EEF2: variants seen among roughly 807,000 people sequenced by gnomAD.
The protein encoded by EEF2 is eukaryotic translation elongation factor 2.
A neutral mutation model predicts 85.3 loss-of-function variants in EEF2; 21 were observed. The ratio of observed to expected loss-of-function variants is 0.25; its 90% CI spans 0.17 to 0.35. The LOEUF (loss-of-function observed/expected upper bound fraction) is 0.35. Among genes scored for constraint, EEF2 ranks in the 10% least tolerant of loss-of-function variants. EEF2 has a pLI of 1.00. For synonymous variants in EEF2, 723 were observed against 508.8 expected (o/e 1.42, Z -5.67); for missense variants, 825 against 1,225.3 (o/e 0.67, Z 4.88).
chr19:3,983,654 G>A (rs1000079314), intron 2 of EEF2, among the ~76,000 whole-genome samples: 2 of 152,076 alleles, frequency 1.3e-5, no homozygotes, highest in Non-Finnish European at 2.9e-5. Context: ...CCCTGCTCCA[G>A]GGGAAATGAA....
At chr19:3,982,460 C>A (rs188533497) in intron 4 of EEF2, 36 bp from the exon 5 acceptor site, 1 of 1,613,242 alleles carries the variant, frequency 6.2e-7, no homozygotes, top group East Asian at 2.2e-5. Flanking sequence ...GCCGTGAGGG[C>A]CCCTGCGCAG....
chr19:3,984,014 T>C (rs1355455203), intron 2 of EEF2, 122 bp downstream of exon 2: 10 of 1,027,194 alleles, frequency 9.7e-6, no homozygotes, highest in Middle Eastern at 3.1e-4. Flanking sequence ...CATTCTCCCA[T>C]GAATTAAGAA....
chr19:3,983,922 CCCT>C (rs1287403696), intron 2 of EEF2: 5 of 590,090 alleles, frequency 8.5e-6, no homozygotes, highest in African/African-American at 3.7e-5. Flanking sequence ...GAGTTAAGCC[CCCT>C]CCTCAAGAAA....
chr19:3,977,207 G>A lies in EEF2; in HGVS notation c.2383+8C>T, dbSNP rs1373752390. On this transcript the variant is annotated splice_region_variant and intron_variant, in intron 14 of 14. Coordinates refer to ENST00000309311, the MANE Select transcript of EEF2 (RefSeq NM_001961.4). The surrounding 1 kb of genome is among the most constrained non-coding windows in gnomAD (Gnocchi z 5.4). ...AGGCTCTGCAGGCCACACCGGGCAG[G>A]CACTCACCAAAGGACTCGTTGACGG... 1.9e-6 allele frequency: 3 copies of A among 1,612,520 alleles called. No homozygotes were observed. The highest frequency in any genetic ancestry group is 2.5e-6 in the Non-Finnish European group (3 of 1,179,444).
chr19:3,984,144 G>C lies in EEF2; in HGVS notation c.210C>G (p.Ile70Met), dbSNP rs771555087. Residue 70 changes from isoleucine to methionine, a missense_variant, in exon 2 of 15, where the codon ATC (isoleucine) becomes ATG (methionine). Physicochemically the swap from Ile to Met is conservative, Grantham distance 10. Transcript: ENST00000309311. The part of the protein sequence containing the change: ...RKDEQERCIT[I>M]KSTAISLFYE... The stretch of plus-strand genomic sequence containing the variant: ...GGGCACAGGGAGCTCACGTTGACTT[G>C]ATGGTGATGCAACGCTCCTGCTCGT... 6.2e-7 allele frequency: 1 copy of C among 1,613,714 alleles called. No individual in the cohort carries two copies. The highest frequency in any genetic ancestry group is 1.3e-5 in the African/African-American group (1 of 74,948).
At chr19:3,985,347 TCCG>T (rs2039807113) in intron 1 of EEF2, 28 bp downstream of exon 1, 3 of 1,465,782 alleles carry the variant, frequency 2.0e-6, no homozygotes. Flanking sequence ...CCGCCGCCGC[TCCG>T]GGGCACCAGC....
intron 1 of EEF2, chr19:3,984,938 G>T (rs143613937): frequency 5.3e-6 from 1 of 189,350 alleles, no homozygotes; most frequent in Non-Finnish European, 1.1e-5. Flanking sequence ...AAGGTATTTG[G>T]AAGGAAAAGG....
At position 3,977,126 on chromosome 19, in the gene EEF2, C is replaced by A; in HGVS notation, c.2383+89G>T. On this transcript the variant is annotated intron_variant, in intron 14 of 14. Coordinates refer to ENST00000309311, the MANE Select transcript of EEF2 (RefSeq NM_001961.4). This position sits in a 1 kb window ranked among gnomAD's most constrained non-coding sequence, Gnocchi z 5.4. ...CCATCACCTGCTCCCATCAGGACGC[C>A]TCCTTTAACACCTTGCTAAGCTTAA... 1 of 1,543,844 alleles carries A rather than the reference C, an allele frequency of 6.5e-7. No individual in the cohort carries two copies. The highest frequency in any genetic ancestry group is 8.7e-7 in the Non-Finnish European group (1 of 1,143,700).
At chr19:3,983,873 TAGGAGTGGGGGCAAGTCCCCC>T (rs1568202955) in intron 2 of EEF2, 1 of 523,302 alleles carries the variant, frequency 1.9e-6, no homozygotes, top group African/African-American at 1.9e-5. Context: ...CCAGATATTG[TAGGAGTGGGGGCAAGTCCCCC>T]AGGGAGGGAG....
rs2039808126 is a variant in EEF2 at position 3,985,411 on chromosome 19, A to G, written c.-31T>C. The G allele has an allele frequency of 3.4e-6, 5 of 1,488,102 alleles. No individual in the cohort carries two copies. The highest frequency in any genetic ancestry group is 1.3e-5 in the South Asian group (1 of 76,198). 92.2% of individuals were successfully genotyped at this position (1,488,102 alleles called of 1,614,324 possible). On this transcript the variant is annotated 5_prime_UTR_variant, in exon 1 of 15. Transcript: ENST00000309311. ...CGGATGGCGGTGGATTCTCCCAGGT[A>G]GAACCGAAAGAAGCGAGTCGCGCCG...
intron 5 of EEF2, 38 bp downstream of exon 5, chr19:3,982,205 CCAG>C (rs756534077): frequency 2.5e-6 from 4 of 1,610,190 alleles, no homozygotes; most frequent in Non-Finnish European, 3.4e-6. Flanking sequence ...GCCACTACCC[CCAG>C]GTGTCAGGAA....
In EEF2 at chr19:3,980,954, G is replaced by A; in HGVS notation, c.1037C>T (p.Ala346Val). The A allele has an allele frequency of 6.4e-7, 1 of 1,574,294 alleles. No individual in the cohort carries two copies. The highest frequency in any genetic ancestry group is 1.2e-5 in the South Asian group (1 of 86,236). ...LKAVMRRWLP[A>V]GDALLQMITI... The stretch of plus-strand genomic sequence containing the variant: ...GATCATCTGCAACAAGGCGTCTCCG[G>A]CAGGCAGCCAGCGGCGCATCACAGC... The change falls in exon 8 of 15, where the codon GCC becomes GTC. Residue 346 changes from alanine (A) to valine (V), a missense_variant. Physicochemically the swap from Ala to Val is moderately conservative, Grantham distance 64. Transcript: ENST00000309311.
intron 6 of EEF2, 139 bp downstream of exon 6, chr19:3,981,804 CAGTT>C: frequency 1.3e-6 from 1 of 756,770 alleles, no homozygotes; most frequent in East Asian, 2.5e-5. Flanking sequence ...GACTCCACCT[CAGTT>C]AGGAGCTGTG....
At position 3,977,828 on chromosome 19, in the gene EEF2, G is replaced by A. The variant is rs755411634; in HGVS notation, c.2058C>T (p.Ala686=). The A allele has an allele frequency of 6.3e-7, 1 of 1,583,092 alleles. No homozygotes were observed. The highest frequency in any genetic ancestry group is 1.7e-5 in the Admixed American group (1 of 58,730). The change falls in exon 12 of 15, where the codon GCC becomes GCT. Residue 686 remains alanine, a synonymous_variant. Coordinates refer to ENST00000309311, the MANE Select transcript of EEF2 (RefSeq NM_001961.4). The surrounding 1 kb of genome is among the most constrained non-coding windows in gnomAD (Gnocchi z 5.4). ...CTGAGCCGTGCCTCACCTCCTTGGT[G>A]GCCCACTGGAAGCCGGCCACCACAC... ...KDSVVAGFQW[A]TKEGALCEEN... is the part of the protein sequence containing the mutation.
Position 3,979,219 on chromosome 19 carries a change from A to G in EEF2, c.1713+110T>C, listed in dbSNP as rs942488449. On this transcript the variant is annotated intron_variant, in intron 11 of 14. Transcript: ENST00000309311. ...TTGAGGAACTTAAGAAGCTGAGACC[A>G]AGACCGAGATCAAGTCTAGGCGTCT... 7.5e-6 allele frequency: 6 copies of G among 802,934 alleles called. No individual in the cohort carries two copies. The African/African-American group carries it at 8.6e-5, about 12-fold the overall frequency. The allele number at this position is 802,934 out of a possible 1,614,324, so 49.7% of individuals were successfully genotyped here.
chr19:3,985,441 T>TGGCGGCGACGAC lies in EEF2; in HGVS notation c.-73_-62dup, dbSNP rs1568203994. 38 of 1,445,922 alleles carry TGGCGGCGACGAC rather than the reference T, an allele frequency of 2.6e-5. No individual in the cohort carries two copies. The highest frequency in any genetic ancestry group is 3.2e-5 in the Non-Finnish European group (35 of 1,093,640). The allele number at this position is 1,445,922 out of a possible 1,614,324, so 89.6% of individuals were successfully genotyped here. On this transcript the variant is annotated 5_prime_UTR_variant, in exon 1 of 15. Transcript: ENST00000309311. ...CGAAAGAAGCGAGTCGCGCCGAGGA[T>TGGCGGCGACGAC]GGCGGCGACGACGGCGGAAGAGAAC... is the stretch of plus-strand genomic sequence containing the variant.
chr19:3,982,088 T>TC, intron 5 of EEF2, 36 bp from the exon 6 acceptor site: 1 of 1,610,464 alleles, frequency 6.2e-7, no homozygotes, highest in Non-Finnish European at 8.5e-7. Flanking sequence ...CAAGTTAGGG[T>TC]CTCCAGGGGA....
At chr19:3,983,869 A>G (rs564383565) in intron 2 of EEF2, 149 of 511,934 alleles carry the variant, frequency 2.9e-4, no homozygotes, top group East Asian at 1.2e-3. Context: ...CTCTCCAGAT[A>G]TTGTAGGAGT....
At position 3,976,453 on chromosome 19, in the gene EEF2, G is replaced by A. The variant is rs934461720; in HGVS notation, c.*101C>T. 29 of 1,375,336 alleles carry A rather than the reference G, an allele frequency of 2.1e-5. No individual in the cohort carries two copies. Among genetic ancestry groups the A allele is most frequent in the Non-Finnish European group, 2.7e-5 (27 of 1,011,916 alleles). 85.2% of individuals were successfully genotyped at this position (1,375,336 alleles called of 1,614,324 possible). A position where few individuals can be genotyped will look rare whatever the true frequency, so the allele number is the denominator to read the frequency against. ...CCCAGAAACCTCTCAGGGGAGCGTC[G>A]CTGTGTCGGGACAGTCTCCAGGTGT... On this transcript the variant is annotated 3_prime_UTR_variant, in exon 15 of 15. Transcript: ENST00000309311.
Sources: gnomAD v4.1 joint callset for allele counts (sites outside exome capture counted in the v4.1 genomes callset) on GRCh38, gnomAD v4.1.1 for gene constraint, Gnocchi (gnomAD v3.1) non-coding constraint, MANE v1.5 for transcripts, NCBI Gene and HGNC (gene_info 2026-07-23, HGNC 2026-07-21) for gene names.